Variants in DISP1 observed in about 807,000 individuals in gnomAD.
DISP1 encodes the protein dispatched RND transporter family member 1, also known as protein dispatched homolog 1.
In DISP1, 30 loss-of-function variants were observed where a neutral mutation model predicts 37.3. The observed-to-expected ratio is 0.80, with a 90% CI of 0.60 to 1.09. The LOEUF (loss-of-function observed/expected upper bound fraction) is 1.09. Ranked by LOEUF, DISP1 falls within the 50% of genes least tolerant of loss-of-function variation. DISP1 has a pLI of 0.00. For missense variants in DISP1, 1,598 were observed against 1,879.5 expected, an observed-to-expected ratio of 0.85 and a Z score of 2.77; for synonymous variants, 634 against 690.2, an observed-to-expected ratio of 0.92 and a Z score of 1.28.
At chr1:222,935,694 A>AT (rs35926666) in intron 2 of DISP1, among the ~76,000 whole-genome samples, 39,071 of 151,986 alleles carry the variant, frequency 0.26, 5,229 homozygotes, top group South Asian at 0.48. Flanking sequence ...ACGGATAGTG[A>AT]GGCTTTGCTA....
chr1:222,866,991 C>T (rs1212619268), intron 1 of DISP1, among the ~76,000 whole-genome samples: 1 of 152,126 alleles, frequency 6.6e-6, no homozygotes, highest in Non-Finnish European at 1.5e-5. Context: ...TAGAATTATA[C>T]CATCCTAGCA....
chr1:222,963,084 G>GA (rs1345833976), intron 3 of DISP1, among the ~76,000 whole-genome samples: 30 of 151,418 alleles, frequency 2.0e-4, no homozygotes, highest in South Asian at 8.3e-4. Flanking sequence ...AATTTATAAG[G>GA]AAAAAACAAC....
At position 222,997,093 on chromosome 1, in the gene DISP1, TATAG is replaced by T. The variant is rs538973384; in HGVS notation, c.987+2122_987+2125del. 3.0e-3 allele frequency among the ~76,000 whole-genome samples: 446 copies of T among 150,998 alleles called. 2 individuals are homozygous for T. Among genetic ancestry groups the T allele is most frequent in the African/African-American group, 0.011 (431 of 40,554 alleles). On this transcript the variant is annotated intron_variant, in intron 8 of 8. Transcript: ENST00000675850. ...TTGTAAACTACCTCAACATGATTTATATAGATAGATAGATGATAAAAATCATCAT... is the reference window on the plus strand; with the variant it reads ...TTGTAAACTACCTCAACATGATTTATATAGATAGATGATAAAAATCATCAT...
chr1:222,995,579 G>A (rs191690529), intron 8 of DISP1, among the ~76,000 whole-genome samples: 19 of 152,286 alleles, frequency 1.2e-4, no homozygotes, highest in African/African-American at 4.1e-4. Context: ...GAAGACAGGC[G>A]CTTTGTCTCT....
chr1:222,962,012 G>GAAAAAGAAA (rs1553336419), intron 3 of DISP1, among the ~76,000 whole-genome samples: 4 of 149,154 alleles, frequency 2.7e-5, no homozygotes, highest in African/African-American at 9.9e-5. Context: ...CTCAAAAAAA[G>GAAAAAGAAA]AAAAAAAAAG....
chr1:222,989,189 C>G (rs1678499867), intron 4 of DISP1, among the ~76,000 whole-genome samples: 1 of 152,134 alleles, frequency 6.6e-6, no homozygotes, highest in African/African-American at 2.4e-5. Context: ...TTATTTGTAA[C>G]TACTAGCATG....
At chr1:222,895,474 CA>C (rs1447098339) in intron 1 of DISP1, among the ~76,000 whole-genome samples, 1 of 152,156 alleles carries the variant, frequency 6.6e-6, no homozygotes, top group East Asian at 1.9e-4. Flanking sequence ...TTTATCTCAT[CA>C]TTTTTCGCAA....
intron 1 of DISP1, among the ~76,000 whole-genome samples, chr1:222,834,943 G>A (rs1240916989): frequency 1.3e-5 from 2 of 152,118 alleles, no homozygotes; most frequent in African/African-American, 4.8e-5. Flanking sequence ...TATACAGCAG[G>A]CATTCAGTTA....
intron 1 of DISP1, among the ~76,000 whole-genome samples, chr1:222,850,422 C>T (rs374658842): frequency 3.3e-5 from 5 of 151,236 alleles, no homozygotes; most frequent in Non-Finnish European, 5.9e-5. Context: ...AACTGCTACA[C>T]TTTTTTTTTC....
intron 1 of DISP1, among the ~76,000 whole-genome samples, chr1:222,824,554 A>T (rs1178756614): frequency 1.3e-5 from 2 of 152,152 alleles, no homozygotes; most frequent in Non-Finnish European, 2.9e-5. Flanking sequence ...GTATATCTTC[A>T]TACTCCTAAA....
At chr1:222,870,425 A>G (rs945510757) in intron 1 of DISP1, among the ~76,000 whole-genome samples, 3 of 152,016 alleles carry the variant, frequency 2.0e-5, no homozygotes, top group Non-Finnish European at 2.9e-5. Flanking sequence ...AAGTGTTCCT[A>G]TTTCTCCACA....
At chr1:222,918,132 G>T (rs541823057) in intron 1 of DISP1, among the ~76,000 whole-genome samples, 16 of 152,232 alleles carry the variant, frequency 1.1e-4, no homozygotes, top group African/African-American at 3.9e-4. Context: ...GCCTGGACCC[G>T]GGCACCTCAA....
chr1:222,926,745 G>A (rs951713935), intron 1 of DISP1, among the ~76,000 whole-genome samples: 3 of 152,020 alleles, frequency 2.0e-5, no homozygotes, highest in Non-Finnish European at 1.5e-5. Context: ...CTTAGAGTAG[G>A]CAGCACTTCA....
chr1:222,837,243 A>T (rs1466849081), intron 1 of DISP1: 2 of 392,176 alleles, frequency 5.1e-6, no homozygotes, highest in Non-Finnish European at 9.0e-6. Flanking sequence ...CCTTGGATCC[A>T]GAGATGGACG....
At chr1:222,828,753 C>G (rs934542469) in intron 1 of DISP1, among the ~76,000 whole-genome samples, 1 of 152,166 alleles carries the variant, frequency 6.6e-6, no homozygotes, top group Non-Finnish European at 1.5e-5. Flanking sequence ...ACTAACTCAC[C>G]TCTCTAGACT....
intron 2 of DISP1, among the ~76,000 whole-genome samples, chr1:222,936,604 TC>T (rs1673758029): frequency 8.5e-5 from 3 of 35,208 alleles, no homozygotes; most frequent in Non-Finnish European, 1.8e-4. Context: ...TATATATCTC[TC>T]ATATATATGA....
chr1:222,897,885 T>A (rs544232372), intron 1 of DISP1, among the ~76,000 whole-genome samples: 5 of 152,306 alleles, frequency 3.3e-5, no homozygotes, highest in African/African-American at 1.2e-4. Flanking sequence ...CATGTACATG[T>A]CCATTTCAGA....
chr1:222,867,743 A>G (rs2125337389), intron 1 of DISP1, among the ~76,000 whole-genome samples: 1 of 152,294 alleles, frequency 6.6e-6, no homozygotes, highest in East Asian at 1.9e-4. Flanking sequence ...TGTCAGGTGT[A>G]TCTTTGTTGT....
At chr1:222,924,321 C>A (rs867260965) in intron 1 of DISP1, among the ~76,000 whole-genome samples, 1 of 152,086 alleles carries the variant, frequency 6.6e-6, no homozygotes, top group Non-Finnish European at 1.5e-5. Context: ...GCAGTGATAT[C>A]CAAATTCATA....
Sources: allele counts gnomAD v4.1 joint callset (sites outside exome capture counted in the v4.1 genomes callset), GRCh38; gene constraint gnomAD v4.1.1; transcripts MANE v1.5; gene names NCBI Gene and HGNC (gene_info 2026-07-23, HGNC 2026-07-21).